CSMD1: variants seen among roughly 807,000 people sequenced by gnomAD.
The protein encoded by CSMD1 is CUB and Sushi multiple domains 1.
Under a neutral mutation model 417.5 loss-of-function variants are expected in CSMD1, and 213 were observed. That is an observed-to-expected ratio of 0.51 (90% CI 0.46 to 0.57). CSMD1 has a LOEUF of 0.57. CSMD1 is among the 20% of genes least tolerant of loss of function. The pLI, the probability that CSMD1 is intolerant of heterozygous loss-of-function variation, is 0.00. For synonymous variants in CSMD1, 2,862 were observed against 1,736.8 expected (o/e 1.65, Z -16.11); for missense variants, 6,923 against 4,529.7 (o/e 1.53, Z -15.17).
At chr8:3,533,468 G>T (rs1177345478) in intron 10 of CSMD1, among the ~76,000 whole-genome samples, 2 of 152,066 alleles carry the variant, frequency 1.3e-5, no homozygotes, top group Non-Finnish European at 2.9e-5. Flanking sequence ...CCTCATGTAA[G>T]TGGAATCATG....
intron 3 of CSMD1, among the ~76,000 whole-genome samples, chr8:4,221,297 G>A (rs1016987200): frequency 6.7e-6 from 1 of 149,958 alleles, no homozygotes; most frequent in African/African-American, 2.5e-5. Context: ...ATGGCATATT[G>A]AATACACTCA....
intron 2 of CSMD1, among the ~76,000 whole-genome samples, chr8:4,438,536 A>T (rs1303900895): frequency 1.3e-5 from 2 of 152,136 alleles, no homozygotes. Context: ...CTCCTTTCAC[A>T]TGTTTTACTT....
At chr8:4,094,130 G>A (rs7011947) in intron 3 of CSMD1, among the ~76,000 whole-genome samples, 4 of 151,980 alleles carry the variant, frequency 2.6e-5, no homozygotes, top group Admixed American at 2.0e-4. Context: ...GTGCCTCCGT[G>A]TGTGGGGGGG....
intron 26 of CSMD1, among the ~76,000 whole-genome samples, chr8:3,243,958 G>C (rs375510948): frequency 6.6e-6 from 1 of 152,136 alleles, no homozygotes; most frequent in Non-Finnish European, 1.5e-5. Context: ...CGAGGTATTA[G>C]TTCATAGAAG....
At position 4,626,103 on chromosome 8, in the gene CSMD1, A is replaced by T. The variant is rs141129187; in HGVS notation, c.302+11239T>A. 3.3e-4 allele frequency among the ~76,000 whole-genome samples: 51 copies of T among 152,286 alleles called. No individual in the cohort carries two copies. The East Asian group carries it at 5.2e-3, about 16-fold the overall frequency. On this transcript the variant is annotated intron_variant, in intron 2 of 69. Coordinates refer to ENST00000635120, the MANE Select transcript of CSMD1 (RefSeq NM_033225.6). ...AATTGGAGAAAAACTGCCATGAAAGATTCATGTATAGACCATGAGAAACAG... is the reference window on the plus strand; with the variant it reads ...AATTGGAGAAAAACTGCCATGAAAGTTTCATGTATAGACCATGAGAAACAG...
At chr8:3,585,021 G>A (rs1800537999) in intron 9 of CSMD1, among the ~76,000 whole-genome samples, 1 of 152,132 alleles carries the variant, frequency 6.6e-6, no homozygotes, top group Admixed American at 6.5e-5. Context: ...CTCCTGAAGG[G>A]TCTCCATTTA....
At chr8:4,060,581 G>T (rs943971701) in intron 3 of CSMD1, among the ~76,000 whole-genome samples, 1 of 152,176 alleles carries the variant, frequency 6.6e-6, no homozygotes, top group Non-Finnish European at 1.5e-5. Flanking sequence ...TCCAGGGGAA[G>T]GTCATTCTGG....
At chr8:4,092,460 T>C (rs1312003902) in intron 3 of CSMD1, among the ~76,000 whole-genome samples, 1 of 152,214 alleles carries the variant, frequency 6.6e-6, no homozygotes, top group Non-Finnish European at 1.5e-5. Flanking sequence ...ATGACACTCT[T>C]ATCTTTGGTA....
At position 2,966,582 on chromosome 8, in the gene CSMD1, G is replaced by C. The variant is rs758799210; in HGVS notation, c.9088C>G (p.Pro3030Ala). Residue 3030 changes from proline (P) to alanine (A), a missense_variant, in exon 58 of 70, where the codon CCC becomes GCC. Transcript: ENST00000635120. The part of the protein sequence containing the change: ...TANGTWTGTA[P>A]DCTIISCGDP... The stretch of plus-strand genomic sequence containing the variant: ...TCTGCTTACTAACTTGTGCAGTCGG[G>C]AGCAGTGCCTGTCCAGGTCCCATTG... The C allele has an allele frequency of 6.2e-7, 1 of 1,613,592 alleles. No homozygotes were observed.
chr8:4,655,120 G>C (rs190603318), intron 1 of CSMD1, among the ~76,000 whole-genome samples: 3 of 151,664 alleles, frequency 2.0e-5, no homozygotes, highest in East Asian at 3.9e-4. Flanking sequence ...AATTTCAAGG[G>C]TTTTGTCTTA....
chr8:4,331,927 A>G (rs1217903659), intron 3 of CSMD1, among the ~76,000 whole-genome samples: 2 of 152,190 alleles, frequency 1.3e-5, no homozygotes, highest in African/African-American at 4.8e-5. Flanking sequence ...TGATTTTTTT[A>G]CAGTCTCCAT....
In CSMD1 at chr8:3,300,932, C is replaced by G. The variant is rs1211829128; in HGVS notation, c.3950+6763G>C. ...CAGGATTGCGCCACCGCACTCCAGC[C>G]TGGACAACAGAGTGAGACTCTGTCT... On this transcript the variant is annotated intron_variant, in intron 25 of 69. Coordinates refer to ENST00000635120, the MANE Select transcript of CSMD1 (RefSeq NM_033225.6). Among the ~76,000 whole-genome samples the G allele has an allele frequency of 2.5e-5, 3 of 118,932 alleles. No individual in the cohort carries two copies. The East Asian group carries it at 7.9e-4, about 31-fold the overall frequency. 78.0% of individuals were successfully genotyped at this position (118,932 alleles called of 152,430 possible).
At chr8:4,507,490 G>C (rs1192792008) in intron 2 of CSMD1, among the ~76,000 whole-genome samples, 1 of 152,136 alleles carries the variant, frequency 6.6e-6, no homozygotes, top group Non-Finnish European at 1.5e-5. Context: ...TAAAATACAA[G>C]AGTCTAACCC....
At chr8:4,610,898 G>A (rs942344441) in intron 2 of CSMD1, among the ~76,000 whole-genome samples, 1 of 152,108 alleles carries the variant, frequency 6.6e-6, no homozygotes, top group African/African-American at 2.4e-5. Context: ...ACATTTAATT[G>A]TCCATGAGGA....
intron 1 of CSMD1, among the ~76,000 whole-genome samples, chr8:4,810,325 T>C (rs1798823952): frequency 1.3e-5 from 2 of 152,252 alleles, no homozygotes; most frequent in African/African-American, 4.8e-5. Context: ...CAACTTATTT[T>C]TCTTTTGTAA....
chr8:3,428,013 G>C (rs1055288928), intron 12 of CSMD1, among the ~76,000 whole-genome samples: 12 of 152,170 alleles, frequency 7.9e-5, no homozygotes, highest in Middle Eastern at 3.2e-3. Flanking sequence ...GAAGAACATA[G>C]TAACTTTGTC....
At chr8:4,615,883 T>G (rs888750473) in intron 2 of CSMD1, among the ~76,000 whole-genome samples, 2 of 152,204 alleles carry the variant, frequency 1.3e-5, no homozygotes, top group Non-Finnish European at 2.9e-5. Flanking sequence ...TTCACTGTTT[T>G]GGATGAATTC....
intron 5 of CSMD1, among the ~76,000 whole-genome samples, chr8:3,985,984 C>A (rs555075075): frequency 1.1e-4 from 16 of 151,958 alleles, no homozygotes; most frequent in Admixed American, 9.2e-4. Context: ...CCTCTGACTC[C>A]CATTTAAGCC....
At chr8:3,978,475 T>C (rs529538681) in intron 5 of CSMD1, among the ~76,000 whole-genome samples, 19 of 152,326 alleles carry the variant, frequency 1.2e-4, no homozygotes, top group African/African-American at 4.6e-4. Flanking sequence ...AAGAAATCCA[T>C]GAATATGGGG....
Sources: gnomAD v4.1 joint callset for allele counts (sites outside exome capture counted in the v4.1 genomes callset) on GRCh38, gnomAD v4.1.1 for gene constraint, MANE v1.5 for transcripts, NCBI Gene and HGNC (gene_info 2026-07-23, HGNC 2026-07-21) for gene names.